The following SPEN variants were observed in gnomAD, a reference collection of about 807,000 sequenced individuals.
The protein encoded by SPEN is msx2-interacting protein.
A neutral mutation model predicts 269.9 loss-of-function variants in SPEN; 18 were observed. The ratio of observed to expected loss-of-function variants is 0.07; its 90% confidence interval spans 0.05 to 0.10. The LOEUF (loss-of-function observed/expected upper bound fraction) is 0.10, where lower values mean the gene tolerates loss of function less well. Among genes scored for constraint, SPEN ranks in the 10% least tolerant of loss-of-function variants. The pLI, the probability that SPEN is intolerant of heterozygous loss-of-function variation, is 1.00. For synonymous variants in SPEN, 1,726 were observed against 1,765.7 expected, an observed-to-expected ratio of 0.98 and a Z score of 0.56; for missense variants, 3,822 against 4,631.2, an observed-to-expected ratio of 0.83 and a Z score of 5.07.
At chr1:15,883,973 A>T (rs1277833974) in intron 3 of SPEN, among the ~76,000 whole-genome samples, 1 of 151,574 alleles carries the variant, frequency 6.6e-6, no homozygotes, top group Non-Finnish European at 1.5e-5. Flanking sequence ...CCCCGCCCGG[A>T]TAATTTTTTG....
intron 10 of SPEN, among the ~76,000 whole-genome samples, chr1:15,925,383 G>C (rs985255174): frequency 1.3e-5 from 2 of 152,140 alleles, no homozygotes; most frequent in African/African-American, 4.8e-5. Context: ...GTTCCTCAGA[G>C]TCCCCGTACA....
Position 15,933,423 on chromosome 1 carries a change from C to T in SPEN, c.7183C>T (p.Pro2395Ser), listed in dbSNP as rs2071242556. The change falls in exon 11 of 15, where the codon CCT (proline) becomes TCT (serine). Residue 2395 changes from proline (P) to serine (S), a missense_variant. Around this residue, in one of 16 missense-constraint regions of SPEN, gnomAD observed 727 missense variants for 737.9 expected, o/e 0.99. Coordinates refer to ENST00000375759, the MANE Select transcript of SPEN (RefSeq NM_015001.3). The surrounding 1 kb of genome is among the most constrained non-coding windows in gnomAD (Gnocchi z 5.7). ...KQSEKPHSTP[P>S]QSCTSDLSKI... ...GAGTGAGAAACCCCATTCCACTCCTCCTCAGTCATGTACTTCTGACCTAAG... is the reference window on the plus strand; with the variant it reads ...GAGTGAGAAACCCCATTCCACTCCTTCTCAGTCATGTACTTCTGACCTAAG... 1.2e-6 allele frequency: 2 copies of T among 1,614,110 alleles called. No individual in the cohort carries two copies. Among genetic ancestry groups the T allele is most frequent in the Non-Finnish European group, 1.7e-6 (2 of 1,180,014 alleles).
chr1:15,909,307 T>C lies in SPEN; in HGVS notation c.882-14T>C, dbSNP rs1320253892. ...GTCTTTTCACTAAAGTTTGTTGTTG[T>C]TGCCTTTTTGCAGCAGTGATTCCAG... On this transcript the variant is annotated splice_polypyrimidine_tract_variant and intron_variant, in intron 3 of 14. Transcript: ENST00000375759. 1.3e-6 allele frequency: 2 copies of C among 1,595,736 alleles called. No homozygotes were observed.
chr1:15,858,598 G>A (rs555737044), intron 1 of SPEN, among the ~76,000 whole-genome samples: 1 of 152,160 alleles, frequency 6.6e-6, no homozygotes. Context: ...ATGTATCCCT[G>A]TTCTTAAGTG....
chr1:15,871,113 C>T (rs1283124194), intron 1 of SPEN, among the ~76,000 whole-genome samples: 1 of 151,992 alleles, frequency 6.6e-6, no homozygotes, highest in Admixed American at 6.6e-5. Flanking sequence ...GGATTATAGG[C>T]GTGTGCCACC....
At chr1:15,900,855 G>A (rs115727815) in intron 3 of SPEN, among the ~76,000 whole-genome samples, 340 of 152,086 alleles carry the variant, frequency 2.2e-3, no homozygotes, top group African/African-American at 7.8e-3. Flanking sequence ...AGGGTACTTG[G>A]TAGATGCCAG....
intron 3 of SPEN, among the ~76,000 whole-genome samples, chr1:15,884,627 T>C (rs940431617): frequency 6.6e-6 from 1 of 152,214 alleles, no homozygotes; most frequent in Non-Finnish European, 1.5e-5. Flanking sequence ...CAGTTTCTTA[T>C]GATACGTGGC....
intron 2 of SPEN, chr1:15,874,437 C>A: frequency 7.7e-7 from 1 of 1,294,116 alleles, no homozygotes. Context: ...CCTCTCCTAA[C>A]CCAAGTCAAA....
chr1:15,919,116 T>G (rs1412846264), intron 7 of SPEN, 65 bp downstream of exon 7: 4 of 1,009,136 alleles, frequency 4.0e-6, no homozygotes, highest in East Asian at 5.5e-5. Flanking sequence ...ACTTGAAGGG[T>G]TTTTTTTTTG....
intron 1 of SPEN, 41 bp from the exon 2 acceptor site, chr1:15,872,775 T>G: frequency 6.9e-7 from 1 of 1,449,664 alleles, no homozygotes; most frequent in African/African-American, 1.4e-5. Context: ...TTTTGGAAAA[T>G]TATTGATATG....
chr1:15,905,863 G>A (rs1452883305), intron 3 of SPEN, among the ~76,000 whole-genome samples: 3 of 152,148 alleles, frequency 2.0e-5, no homozygotes, highest in Non-Finnish European at 2.9e-5. Flanking sequence ...ATGAGCTACC[G>A]TGCTCGGCCC....
Position 15,937,302 on chromosome 1 carries a change from C to T in SPEN, c.10166C>T (p.Ser3389Phe). ...CCAAGCAGCAAGATGCCTCAAGTGT[C>T]CCAGGAGGCAAAGGGGACCCAGACG... ...QPPSSKMPQV[S>F]QEAKGTQTGV... The change falls in exon 12 of 15, where the codon TCC becomes TTC. Residue 3389 changes from serine (S) to phenylalanine (F), a missense_variant. Transcript: ENST00000375759. The surrounding 1 kb of genome is among the most constrained non-coding windows in gnomAD (Gnocchi z 5.7). The T allele has an allele frequency of 6.2e-7, 1 of 1,613,890 alleles. No homozygotes were observed. Among genetic ancestry groups the T allele is most frequent in the Non-Finnish European group, 8.5e-7 (1 of 1,179,976 alleles).
chr1:15,932,520 A>G lies in SPEN; in HGVS notation c.6280A>G (p.Lys2094Glu), dbSNP rs1331004748. 6.2e-6 allele frequency: 10 copies of G among 1,601,064 alleles called. No individual in the cohort carries two copies. The highest frequency in any genetic ancestry group is 1.3e-5 in the African/African-American group (1 of 74,164). ...RLAVDKSASL[K>E]NVDAAVSPRG... is the part of the protein sequence containing the mutation. ...AGCAGTGGACAAATCTGCAAGTCTG[A>G]AAAATGTGGATGCTGCTGTCAGTCC... The change falls in exon 11 of 15, where the codon AAA becomes GAA. Residue 2094 changes from lysine to glutamate, a missense_variant. Coordinates refer to ENST00000375759, the MANE Select transcript of SPEN (RefSeq NM_015001.3). This position sits in a 1 kb window ranked among gnomAD's most constrained non-coding sequence, Gnocchi z 4.2.
At position 15,933,271 on chromosome 1, in the gene SPEN, C is replaced by G. The variant is rs1476917064; in HGVS notation, c.7031C>G (p.Thr2344Arg). 1 of 1,614,170 alleles carries G rather than the reference C, an allele frequency of 6.2e-7. No individual in the cohort carries two copies. Among genetic ancestry groups the G allele is most frequent in the Non-Finnish European group, 8.5e-7 (1 of 1,180,046 alleles). Residue 2344 changes from threonine (T) to arginine (R), a missense_variant, in exon 11 of 15, where the codon ACA becomes AGA. Around this residue, in one of 16 missense-constraint regions of SPEN, gnomAD observed 727 missense variants for 737.9 expected, o/e 0.99. Coordinates refer to ENST00000375759, the MANE Select transcript of SPEN (RefSeq NM_015001.3). The surrounding 1 kb of genome is among the most constrained non-coding windows in gnomAD (Gnocchi z 5.7). The part of the protein sequence containing the change: ...KTTRSRRKRN[T>R]NKKVVAPVES... Reference sequence around the variant, plus strand: ...ACCCGATCACGCCGCAAGCGAAACACAAACAAGAAAGTGGTGGCTCCTGTA... The same window carrying G: ...ACCCGATCACGCCGCAAGCGAAACAGAAACAAGAAAGTGGTGGCTCCTGTA...
intron 3 of SPEN, among the ~76,000 whole-genome samples, chr1:15,894,671 G>A (rs1385026536): frequency 6.7e-6 from 1 of 149,304 alleles, no homozygotes; most frequent in Non-Finnish European, 1.5e-5. Context: ...CTCCAGAATA[G>A]CTGGGATTAC....
In SPEN at chr1:15,935,484, C is replaced by T; in HGVS notation, c.9244C>T (p.His3082Tyr). Residue 3082 changes from histidine to tyrosine, a missense_variant, in exon 11 of 15, where the codon CAC becomes TAC. Transcript: ENST00000375759. The surrounding 1 kb of genome is among the most constrained non-coding windows in gnomAD (Gnocchi z 7.7). The stretch of plus-strand genomic sequence containing the variant: ...AGAGCAGTCTGTCATCATGCCACCC[C>T]ACAGCATCACCCAGACTGTGTCCCT... ...HPEQSVIMPP[H>Y]SITQTVSLSH... 6.2e-7 allele frequency: 1 copy of T among 1,614,130 alleles called. No individual in the cohort carries two copies. Among genetic ancestry groups the T allele is most frequent in the Non-Finnish European group, 8.5e-7 (1 of 1,180,020 alleles).
intron 1 of SPEN, among the ~76,000 whole-genome samples, chr1:15,855,989 A>AT (rs2070382569): frequency 1.7e-5 from 2 of 120,278 alleles, no homozygotes; most frequent in African/African-American, 3.4e-5. Flanking sequence ...GGATGCTAGA[A>AT]CTTTTTTTTT....
Position 15,923,844 on chromosome 1 carries a change from A to G in SPEN, c.1850+1495A>G, listed in dbSNP as rs144286601. Among the ~76,000 whole-genome samples the G allele has an allele frequency of 2.6e-3, 392 of 151,902 alleles. 3 individuals carry two copies. Among genetic ancestry groups the G allele is most frequent in the African/African-American group, 9.2e-3 (380 of 41,424 alleles). On this transcript the variant is annotated intron_variant, in intron 10 of 14. Transcript: ENST00000375759. The stretch of plus-strand genomic sequence containing the variant: ...GCCACCATGCCCGGCTAATTTTTGT[A>G]TTTTTAGTAGAGACGGGGTTTCACC...
intron 6 of SPEN, among the ~76,000 whole-genome samples, chr1:15,916,987 C>T (rs2235741): frequency 0.11 from 16,164 of 152,016 alleles, 1,235 homozygotes; most frequent in Admixed American, 0.23. Context: ...ATTAGCTGGG[C>T]GTTGGTGGCT....
Sources: gnomAD v4.1 joint callset for allele counts (sites outside exome capture counted in the v4.1 genomes callset) on GRCh38, gnomAD v4.1.1 for gene constraint, gnomAD v4.1.1 regional missense constraint, Gnocchi (gnomAD v3.1) non-coding constraint, MANE v1.5 for transcripts, NCBI Gene and HGNC (gene_info 2026-07-23, HGNC 2026-07-21) for gene names.